Variants in VWC2L observed in about 807,000 individuals in gnomAD.
The protein encoded by VWC2L is von Willebrand factor C domain-containing protein 2-like.
Under a neutral mutation model 21.6 loss-of-function variants are expected in VWC2L, and 10 were observed. That is an observed-to-expected ratio of 0.46 (90% CI 0.29 to 0.78). The LOEUF is 0.78. VWC2L is among the 30% of genes least tolerant of loss of function. The probability of loss-of-function intolerance (pLI) is 0.10; values close to 1 mark genes in which losing one functional copy is unlikely to be tolerated. For synonymous variants in VWC2L, 96 were observed against 94.3 expected, an observed-to-expected ratio of 1.02 and a Z score of -0.10; for missense variants, 209 against 277.1, an observed-to-expected ratio of 0.75 and a Z score of 1.74.
chr2:214,455,605 G>A (rs1229695699), intron 3 of VWC2L, among the ~76,000 whole-genome samples: 1 of 152,032 alleles, frequency 6.6e-6, no homozygotes, highest in African/African-American at 2.4e-5. Flanking sequence ...TTTAACTATA[G>A]TCACCTTACT....
intron 2 of VWC2L, among the ~76,000 whole-genome samples, chr2:214,426,171 C>CA (rs34411661): frequency 0.17 from 11,951 of 69,486 alleles, 1,608 homozygotes; most frequent in Non-Finnish European, 0.23. Context: ...GGCTTCGTCT[C>CA]AAAAAAAAAA....
chr2:214,425,404 T>A (rs1239479420), intron 2 of VWC2L, among the ~76,000 whole-genome samples: 3 of 152,218 alleles, frequency 2.0e-5, no homozygotes, highest in Admixed American at 6.5e-5. Context: ...TGTTCAATCC[T>A]ATTTCTCTGC....
chr2:214,556,419 G>C (rs1036725209), intron 3 of VWC2L, among the ~76,000 whole-genome samples: 4 of 152,150 alleles, frequency 2.6e-5, no homozygotes, highest in Non-Finnish European at 5.9e-5. Context: ...GTCTTAACTT[G>C]AGGGATTCCC....
intron 3 of VWC2L, among the ~76,000 whole-genome samples, chr2:214,495,511 T>G (rs1181023082): frequency 6.6e-6 from 1 of 152,202 alleles, no homozygotes; most frequent in East Asian, 1.9e-4. Flanking sequence ...GCCCAGTTGA[T>G]GGACTACCAC....
At chr2:214,497,220 A>AC (rs397784023) in intron 3 of VWC2L, among the ~76,000 whole-genome samples, 5 of 151,240 alleles carry the variant, frequency 3.3e-5, no homozygotes, top group Non-Finnish European at 7.4e-5. Context: ...AGGAAAAAAA[A>AC]CCATTCATTT....
At chr2:214,560,181 G>A (rs1027118674) in intron 3 of VWC2L, among the ~76,000 whole-genome samples, 4 of 152,136 alleles carry the variant, frequency 2.6e-5, no homozygotes, top group Admixed American at 2.6e-4. Context: ...CCACTTTGTT[G>A]CTTAATTTAC....
At chr2:214,462,268 C>A (rs1448572960) in intron 3 of VWC2L, among the ~76,000 whole-genome samples, 1 of 152,208 alleles carries the variant, frequency 6.6e-6, no homozygotes, top group Non-Finnish European at 1.5e-5. Context: ...CAAGGGCTAG[C>A]ATCACAAGAG....
intron 3 of VWC2L, among the ~76,000 whole-genome samples, chr2:214,502,435 T>C (rs36079846): frequency 0.37 from 56,516 of 151,962 alleles, 11,665 homozygotes; most frequent in South Asian, 0.48. Flanking sequence ...CTGGGCATAG[T>C]GGCACACACC....
At chr2:214,572,052 G>A (rs1357379059) in intron 3 of VWC2L, among the ~76,000 whole-genome samples, 2 of 152,138 alleles carry the variant, frequency 1.3e-5, no homozygotes, top group South Asian at 4.1e-4. Flanking sequence ...AAAGTGCTGG[G>A]ATTACAGGTG....
chr2:214,501,295 A>C (rs1688886946), intron 3 of VWC2L, among the ~76,000 whole-genome samples: 1 of 152,194 alleles, frequency 6.6e-6, no homozygotes, highest in African/African-American at 2.4e-5. Flanking sequence ...CCTGGAAAGA[A>C]ACCTGAGCCA....
intron 3 of VWC2L, among the ~76,000 whole-genome samples, chr2:214,504,045 TGA>T (rs1688933300): frequency 6.6e-6 from 1 of 152,240 alleles, no homozygotes; most frequent in African/African-American, 2.4e-5. Context: ...TGAAAACAGC[TGA>T]GAGTCCAGTA....
intron 3 of VWC2L, among the ~76,000 whole-genome samples, chr2:214,524,343 A>G (rs1434580044): frequency 6.6e-6 from 1 of 152,174 alleles, no homozygotes; most frequent in Non-Finnish European, 1.5e-5. Flanking sequence ...TGTTTTCTAA[A>G]GATGACCAGG....
Position 214,527,174 on chromosome 2 carries a change from C to T in VWC2L, c.521-48498C>T, listed in dbSNP as rs147925632. 1.7e-3 allele frequency among the ~76,000 whole-genome samples: 265 copies of T among 152,206 alleles called. 1 individual carries two copies. Among genetic ancestry groups the T allele is most frequent in the Middle Eastern group, 3.4e-3 (1 of 294 alleles). ...GAAAACCAAATACTACATGTCCTCACTTATAAGTGGGAGTTAACATTGGGT... is the reference window on the plus strand; with the variant it reads ...GAAAACCAAATACTACATGTCCTCATTTATAAGTGGGAGTTAACATTGGGT... On this transcript the variant is annotated intron_variant, in intron 3 of 3. Transcript: ENST00000312504.
At chr2:214,468,379 G>C (rs1015648675) in intron 3 of VWC2L, among the ~76,000 whole-genome samples, 10 of 152,100 alleles carry the variant, frequency 6.6e-5, no homozygotes, top group African/African-American at 2.4e-4. Context: ...AATGTGAAAT[G>C]CTGTTCCAAA....
At chr2:214,421,109 TA>T (rs1256142885) in intron 2 of VWC2L, among the ~76,000 whole-genome samples, 3 of 152,188 alleles carry the variant, frequency 2.0e-5, no homozygotes, top group African/African-American at 7.2e-5. Context: ...TCAATTTTAT[TA>T]AAAAATTTAT....
intron 3 of VWC2L, among the ~76,000 whole-genome samples, chr2:214,560,724 G>A (rs1216370212): frequency 6.6e-6 from 1 of 152,108 alleles, no homozygotes; most frequent in Non-Finnish European, 1.5e-5. Flanking sequence ...TTTTCAGTAA[G>A]TGAGGTCATT....
intron 3 of VWC2L, among the ~76,000 whole-genome samples, chr2:214,499,540 T>C (rs894867543): frequency 2.0e-5 from 3 of 149,242 alleles, no homozygotes; most frequent in Admixed American, 6.7e-5. Flanking sequence ...CATTAGGAGA[T>C]ATACCTAATG....
At chr2:214,543,185 T>TC (rs1313776119) in intron 3 of VWC2L, among the ~76,000 whole-genome samples, 1 of 152,058 alleles carries the variant, frequency 6.6e-6, no homozygotes, top group African/African-American at 2.4e-5. Context: ...ACACCCTGCT[T>TC]CCCCCCAGAA....
At chr2:214,440,605 T>C (rs1182290477) in intron 3 of VWC2L, among the ~76,000 whole-genome samples, 1 of 152,070 alleles carries the variant, frequency 6.6e-6, no homozygotes, top group Non-Finnish European at 1.5e-5. Flanking sequence ...TAAATTTGAC[T>C]AGTAATGTGG....
Sources: allele counts gnomAD v4.1 joint callset (sites outside exome capture counted in the v4.1 genomes callset), GRCh38; gene constraint gnomAD v4.1.1; transcripts MANE v1.5; gene names NCBI Gene and HGNC (gene_info 2026-07-23, HGNC 2026-07-21).